The following FAM174A variants were observed in gnomAD, a reference collection of about 807,000 sequenced individuals.
FAM174A encodes the protein family with sequence similarity 174 member A, also known as membrane protein FAM174A.
Under a neutral mutation model 14.3 loss-of-function variants are expected in FAM174A, and 14 were observed. The observed-to-expected ratio is 0.98, with a 90% confidence interval of 0.65 to 1.53. The LOEUF is 1.53. FAM174A is among the 40% of genes most tolerant of loss of function. The pLI is 0.00. For missense variants in FAM174A, 241 were observed against 249.6 expected, an observed-to-expected ratio of 0.97 and a Z score of 0.23; for synonymous variants, 108 against 111.4, an observed-to-expected ratio of 0.97 and a Z score of 0.19.
At chr5:100,546,557 T>C (rs1184962068) in intron 1 of FAM174A, among the ~76,000 whole-genome samples, 1 of 152,202 alleles carries the variant, frequency 6.6e-6, no homozygotes, top group Non-Finnish European at 1.5e-5. Context: ...CTTGAAGTAA[T>C]TGATTGATTA....
At chr5:100,544,204 GAAA>G (rs1022523531) in intron 1 of FAM174A, among the ~76,000 whole-genome samples, 1 of 151,760 alleles carries the variant, frequency 6.6e-6, no homozygotes, top group Non-Finnish European at 1.5e-5. Flanking sequence ...CTACTAAAAT[GAAA>G]AAAAGAAAAA....
intron 1 of FAM174A, among the ~76,000 whole-genome samples, chr5:100,544,542 A>C (rs901843928): frequency 6.6e-6 from 1 of 152,216 alleles, no homozygotes; most frequent in Non-Finnish European, 1.5e-5. Context: ...AAAACATGTA[A>C]ATGAAGATTA....
intron 1 of FAM174A, among the ~76,000 whole-genome samples, chr5:100,554,465 C>T (rs1435762679): frequency 7.3e-5 from 11 of 151,654 alleles, no homozygotes; most frequent in Admixed American, 6.6e-4. Context: ...TACAGGCGCA[C>T]ACCACCATGC....
At chr5:100,558,348 T>G in intron 1 of FAM174A, among the ~76,000 whole-genome samples, 1 of 152,154 alleles carries the variant, frequency 6.6e-6, no homozygotes, top group East Asian at 1.9e-4. Context: ...GAGGAGTGCT[T>G]TACTTCCAAC....
chr5:100,549,097 A>G (rs1002101244), intron 1 of FAM174A, among the ~76,000 whole-genome samples: 2 of 152,146 alleles, frequency 1.3e-5, no homozygotes, highest in Non-Finnish European at 2.9e-5. Flanking sequence ...GCAAGATGGT[A>G]GAACTGACAG....
At chr5:100,561,140 GA>G (rs1746514447) in intron 1 of FAM174A, among the ~76,000 whole-genome samples, 1 of 151,816 alleles carries the variant, frequency 6.6e-6, no homozygotes, top group Non-Finnish European at 1.5e-5. Flanking sequence ...TGATTTGAAG[GA>G]AAAGAACAAG....
intron 2 of FAM174A, among the ~76,000 whole-genome samples, chr5:100,585,118 A>G (rs1747102033): frequency 6.6e-6 from 1 of 152,208 alleles, no homozygotes; most frequent in African/African-American, 2.4e-5. Flanking sequence ...ATAAATACCA[A>G]CAACGCTTGA....
At chr5:100,541,954 T>G (rs1746062097) in intron 1 of FAM174A, among the ~76,000 whole-genome samples, 1 of 152,170 alleles carries the variant, frequency 6.6e-6, no homozygotes, top group Admixed American at 6.5e-5. Context: ...AATTTCTTAT[T>G]CCATGAACTC....
rs1745939776 is a variant in FAM174A, at chr5:100,536,238, T to C, written c.434+274T>C. 2.0e-5 allele frequency among the ~76,000 whole-genome samples: 3 copies of C among 152,236 alleles called. No individual in the cohort carries two copies. The South Asian group carries it at 6.2e-4, about 31-fold the overall frequency. On this transcript the variant is annotated intron_variant, in intron 1 of 2. Coordinates refer to ENST00000312637, the MANE Select transcript of FAM174A (RefSeq NM_198507.3). The stretch of plus-strand genomic sequence containing the variant: ...TCAGCCTCAAAGGGCACCCTTTCTC[T>C]GAAGTGAGGATAATCTTTATTCCCT...
intron 1 of FAM174A, among the ~76,000 whole-genome samples, chr5:100,559,049 T>A (rs1746463851): frequency 6.6e-6 from 1 of 152,168 alleles, no homozygotes; most frequent in Admixed American, 6.5e-5. Context: ...TCTTTACAGT[T>A]TAGCATGTTT....
intron 1 of FAM174A, among the ~76,000 whole-genome samples, chr5:100,545,198 C>A (rs1422630542): frequency 1.3e-5 from 2 of 152,092 alleles, no homozygotes; most frequent in African/African-American, 2.4e-5. Flanking sequence ...TAGGTTTGAT[C>A]TTTTCTAAAA....
chr5:100,543,189 C>T (rs1409740680), intron 1 of FAM174A, among the ~76,000 whole-genome samples: 1 of 152,236 alleles, frequency 6.6e-6, no homozygotes, highest in Admixed American at 6.5e-5. Flanking sequence ...TCTGGCTCAG[C>T]TCACTGCAAC....
chr5:100,583,344 A>G (rs1172414938), intron 2 of FAM174A, among the ~76,000 whole-genome samples: 1 of 152,190 alleles, frequency 6.6e-6, no homozygotes, highest in Non-Finnish European at 1.5e-5. Flanking sequence ...AACTGTTTCT[A>G]TTGGTACCAA....
intron 2 of FAM174A, among the ~76,000 whole-genome samples, chr5:100,563,473 T>C (rs539116359): frequency 2.0e-5 from 3 of 151,708 alleles, no homozygotes; most frequent in Non-Finnish European, 4.4e-5. Context: ...TATGACTCTA[T>C]CAGAGCACCT....
intron 2 of FAM174A, among the ~76,000 whole-genome samples, chr5:100,579,733 T>A (rs939228058): frequency 6.6e-6 from 1 of 152,194 alleles, no homozygotes; most frequent in African/African-American, 2.4e-5. Context: ...GCCATGATAT[T>A]TTTAAATTAT....
intron 1 of FAM174A, among the ~76,000 whole-genome samples, chr5:100,560,296 A>ACC (rs1168678795): frequency 4.6e-5 from 7 of 152,236 alleles, no homozygotes; most frequent in South Asian, 2.1e-4. Flanking sequence ...GTTTGCACAC[A>ACC]TACACACACA....
At position 100,539,785 on chromosome 5, in the gene FAM174A, A is replaced by G. The variant is rs576130952; in HGVS notation, c.434+3821A>G. Among the ~76,000 whole-genome samples the G allele has an allele frequency of 2.1e-3, 325 of 152,322 alleles. 1 individual carries two copies. Among genetic ancestry groups the G allele is most frequent in the Non-Finnish European group, 3.6e-3 (245 of 68,026 alleles). The stretch of plus-strand genomic sequence containing the variant: ...AGTAACCAATTTAAAGCGATATTGC[A>G]CATAAAGATGGCTAGCTTATTTATG... On this transcript the variant is annotated intron_variant, in intron 1 of 2. Coordinates refer to ENST00000312637, the MANE Select transcript of FAM174A (RefSeq NM_198507.3).
At chr5:100,560,959 C>T (rs1444975118) in intron 1 of FAM174A, among the ~76,000 whole-genome samples, 1 of 151,894 alleles carries the variant, frequency 6.6e-6, no homozygotes, top group Non-Finnish European at 1.5e-5. Flanking sequence ...AGACCCTCAA[C>T]AATTAATTGA....
At chr5:100,565,322 T>C (rs897900278) in intron 2 of FAM174A, among the ~76,000 whole-genome samples, 8 of 151,858 alleles carry the variant, frequency 5.3e-5, no homozygotes, top group African/African-American at 1.7e-4. Flanking sequence ...ACAAATGAGG[T>C]TGCATCAAAC....
Sources: gnomAD v4.1 joint callset for allele counts (sites outside exome capture counted in the v4.1 genomes callset) on GRCh38, gnomAD v4.1.1 for gene constraint, MANE v1.5 for transcripts, NCBI Gene and HGNC (gene_info 2026-07-23, HGNC 2026-07-21) for gene names.